CACNA2D3: variants seen among roughly 807,000 people sequenced by gnomAD.
The protein encoded by CACNA2D3 is voltage-dependent calcium channel subunit alpha-2/delta-3.
A neutral mutation model predicts 160.6 loss-of-function variants in CACNA2D3; 60 were observed. The ratio of observed to expected loss-of-function variants is 0.37; its 90% CI spans 0.30 to 0.46. CACNA2D3 has a LOEUF of 0.46. Among genes scored for constraint, CACNA2D3 ranks in the 20% least tolerant of loss-of-function variants. The pLI, the probability that CACNA2D3 is intolerant of heterozygous loss-of-function variation, is 1.00. For missense variants in CACNA2D3, 1,205 were observed against 1,365.0 expected, an observed-to-expected ratio of 0.88 and a Z score of 1.85; for synonymous variants, 558 against 492.9, an observed-to-expected ratio of 1.13 and a Z score of -1.75.
intron 2 of CACNA2D3, among the ~76,000 whole-genome samples, chr3:54,282,275 T>C (rs1459883330): frequency 6.6e-6 from 1 of 152,228 alleles, no homozygotes; most frequent in African/African-American, 2.4e-5. Flanking sequence ...CAATGAATAT[T>C]TATTAGTTTT....
chr3:54,139,449 C>T (rs1468564283), intron 2 of CACNA2D3, among the ~76,000 whole-genome samples: 1 of 152,234 alleles, frequency 6.6e-6, no homozygotes, highest in African/African-American at 2.4e-5. Context: ...TCAGAGCAGG[C>T]AGAAATGACA....
chr3:54,544,173 C>A (rs1347148667), intron 5 of CACNA2D3, among the ~76,000 whole-genome samples: 1 of 152,060 alleles, frequency 6.6e-6, no homozygotes, highest in African/African-American at 2.4e-5. Context: ...GAGATAATAT[C>A]TCCATATATA....
chr3:54,305,540 A>G (rs1037533455), intron 2 of CACNA2D3, among the ~76,000 whole-genome samples: 2 of 152,256 alleles, frequency 1.3e-5, no homozygotes, highest in Non-Finnish European at 2.9e-5. Flanking sequence ...AAATCACATG[A>G]TGAATGTACG....
At position 54,829,175 on chromosome 3, in the gene CACNA2D3, C is replaced by G. The variant is rs76451342; in HGVS notation, c.1399-7984C>G. 6.8e-3 allele frequency among the ~76,000 whole-genome samples: 1,028 copies of G among 152,276 alleles called. 12 individuals carry two copies. The highest frequency in any genetic ancestry group is 0.023 in the African/African-American group (961 of 41,560). On this transcript the variant is annotated intron_variant, in intron 14 of 37. Coordinates refer to ENST00000474759, the MANE Select transcript of CACNA2D3 (RefSeq NM_018398.3). ...GTGGTCCCTTTCCAGGCATGAGATG[C>G]AATAGGATCTCCCTGCCCCACGTTT...
At chr3:54,637,637 G>T (rs1699407449) in intron 10 of CACNA2D3, 2 of 151,986 alleles carry the variant, frequency 1.3e-5, no homozygotes, top group South Asian at 2.1e-4. Context: ...TGTGGAGTGG[G>T]TAGCCTCCGT....
At chr3:54,553,736 T>C (rs2106689852) in intron 5 of CACNA2D3, among the ~76,000 whole-genome samples, 1 of 152,236 alleles carries the variant, frequency 6.6e-6, no homozygotes, top group Admixed American at 6.5e-5. Context: ...GGAGAATAAA[T>C]GGTATTGGGG....
intron 13 of CACNA2D3, among the ~76,000 whole-genome samples, chr3:54,776,535 G>A (rs1241220773): frequency 1.3e-5 from 2 of 151,984 alleles, no homozygotes; most frequent in East Asian, 3.9e-4. Context: ...AAACAAAACA[G>A]CAACCAAACA....
At chr3:54,823,368 T>C (rs1233623426) in intron 14 of CACNA2D3, among the ~76,000 whole-genome samples, 1 of 151,570 alleles carries the variant, frequency 6.6e-6, no homozygotes, top group Non-Finnish European at 1.5e-5. Context: ...TATTACATTT[T>C]ATTATTAACT....
chr3:54,332,655 C>T (rs1234864378), intron 3 of CACNA2D3, among the ~76,000 whole-genome samples: 1 of 152,108 alleles, frequency 6.6e-6, no homozygotes, highest in African/African-American at 2.4e-5. Flanking sequence ...GAATTCCTGT[C>T]ATTTCAAAGA....
rs1052575990 is a variant in CACNA2D3, at chr3:54,128,586, C to A, written c.204+4992C>A. ...AAATCCTGATTTACCATCATAGATG[C>A]TATGATGCCAACAAACGGGCTTTTT... On this transcript the variant is annotated intron_variant, in intron 2 of 37. Transcript: ENST00000474759. 4.6e-5 allele frequency among the ~76,000 whole-genome samples: 7 copies of A among 152,286 alleles called. No individual in the cohort carries two copies. In the East Asian group the frequency reaches 1.4e-3, roughly 29 times the overall value.
intron 8 of CACNA2D3, among the ~76,000 whole-genome samples, chr3:54,580,040 G>C (rs1702648895): frequency 6.6e-6 from 1 of 152,158 alleles, no homozygotes; most frequent in South Asian, 2.1e-4. Context: ...AGGACCTGTT[G>C]TGAGTGGCAG....
At chr3:54,827,843 T>C (rs1023679458) in intron 14 of CACNA2D3, among the ~76,000 whole-genome samples, 16 of 152,210 alleles carry the variant, frequency 1.1e-4, no homozygotes, top group Admixed American at 9.8e-4. Flanking sequence ...TTGCTGGGCA[T>C]GTCTTGTGTA....
intron 2 of CACNA2D3, among the ~76,000 whole-genome samples, chr3:54,192,686 G>T (rs1288176216): frequency 6.6e-6 from 1 of 151,746 alleles, no homozygotes; most frequent in African/African-American, 2.4e-5. Flanking sequence ...GTGTGTGTGT[G>T]TGTGTGTGTT....
intron 4 of CACNA2D3, among the ~76,000 whole-genome samples, chr3:54,474,961 A>G (rs6777286): frequency 0.041 from 6,209 of 152,238 alleles, 327 homozygotes; most frequent in African/African-American, 0.12. Context: ...AAATCATTTT[A>G]TAGCCACTAG....
At chr3:54,776,152 C>T (rs902394627) in intron 13 of CACNA2D3, among the ~76,000 whole-genome samples, 4 of 152,192 alleles carry the variant, frequency 2.6e-5, no homozygotes, top group Non-Finnish European at 4.4e-5. Context: ...ATCATTTATC[C>T]AATCAGTTAT....
chr3:54,417,927 T>C (rs1318942884), intron 4 of CACNA2D3, among the ~76,000 whole-genome samples: 2 of 151,998 alleles, frequency 1.3e-5, no homozygotes, highest in Non-Finnish European at 2.9e-5. Context: ...GCTGGGACTA[T>C]AGGCATATGC....
chr3:54,725,612 T>C (rs1016460797), intron 11 of CACNA2D3, among the ~76,000 whole-genome samples: 19 of 152,094 alleles, frequency 1.2e-4, no homozygotes, highest in African/African-American at 3.6e-4. Flanking sequence ...GTTCAACATA[T>C]GCAAATCAAG....
At chr3:54,925,226 CAGAA>C (rs748846442) in intron 27 of CACNA2D3, 8 of 1,601,076 alleles carry the variant, frequency 5.0e-6, no homozygotes, top group Middle Eastern at 1.7e-4. Flanking sequence ...CTACAACAAA[CAGAA>C]AGAAATTGGG....
chr3:54,635,928 T>C lies in CACNA2D3; in HGVS notation c.1054-6200T>C, dbSNP rs539942238. On this transcript the variant is annotated intron_variant, in intron 10 of 37. Transcript: ENST00000474759. ...ACCCTGTAGGAAACGCCTTTACTTA[T>C]TCAGTGAAAGTGTCTATTTAGACTA... 2.0e-5 allele frequency among the ~76,000 whole-genome samples: 3 copies of C among 152,144 alleles called. No homozygotes were observed. The East Asian group carries it at 5.8e-4, about 29-fold the overall frequency.
Sources: gnomAD v4.1 joint callset for allele counts (sites outside exome capture counted in the v4.1 genomes callset) on GRCh38, gnomAD v4.1.1 for gene constraint, MANE v1.5 for transcripts, NCBI Gene and HGNC (gene_info 2026-07-23, HGNC 2026-07-21) for gene names.